Variants in GPAT3 observed in about 807,000 individuals in gnomAD.
The protein encoded by GPAT3 is 1-AGP acyltransferase 9.
Under a neutral mutation model 58.8 loss-of-function variants are expected in GPAT3, and 53 were observed. That is an observed-to-expected ratio of 0.90 (90% CI 0.72 to 1.13). The LOEUF (loss-of-function observed/expected upper bound fraction) is 1.13, where lower values mean the gene tolerates loss of function less well. GPAT3 is among the 50% of genes most tolerant of loss of function. The pLI is 0.00. For synonymous variants in GPAT3, 197 were observed against 187.4 expected (o/e 1.05, Z -0.42); for missense variants, 511 against 527.6 (o/e 0.97, Z 0.31).
intron 2 of GPAT3, among the ~76,000 whole-genome samples, chr4:83,554,119 A>G (rs1009149599): frequency 5.9e-5 from 9 of 151,800 alleles, no homozygotes; most frequent in Admixed American, 1.3e-4. Flanking sequence ...ATCCTCCTAA[A>G]TAGCTGGGAG....
intron 2 of GPAT3, among the ~76,000 whole-genome samples, chr4:83,575,381 A>G (rs1009850963): frequency 5.9e-5 from 9 of 152,022 alleles, no homozygotes; most frequent in African/African-American, 2.2e-4. Context: ...TTATGTTTTC[A>G]GTCATGCTCC....
chr4:83,581,697 G>A lies in GPAT3; in HGVS notation c.344G>A (p.Arg115Lys), dbSNP rs1314457809. The A allele has an allele frequency of 2.5e-6, 4 of 1,614,052 alleles. No homozygotes were observed. Among genetic ancestry groups the A allele is most frequent in the Non-Finnish European group, 3.4e-6 (4 of 1,180,036 alleles). ...ATTGTAGAAGATGAAGTGACCCAGA[G>A]GTTTTCCTCAGAGGAGCTAGTGTCA... ...EAIVEDEVTQ[R>K]FSSEELVSWN... The change falls in exon 3 of 12, where the codon AGG becomes AAG. Residue 115 changes from arginine (R) to lysine (K), a missense_variant. By Grantham distance (26) the Arg-to-Lys change is conservative. Coordinates refer to ENST00000264409, the MANE Select transcript of GPAT3 (RefSeq NM_032717.5).
chr4:83,593,137 G>A (rs1199624113), intron 6 of GPAT3, among the ~76,000 whole-genome samples: 2 of 148,678 alleles, frequency 1.3e-5, no homozygotes, highest in Non-Finnish European at 3.0e-5. Context: ...AAAGTCCTGG[G>A]ATTACAGGTG....
rs1312248967 is a variant in GPAT3, at chr4:83,596,864, A to C, written c.861A>C (p.Lys287Asn). ...KDRHLVTKRL[K>N]EHIADKKKLP... ...ATCCTTTTTTTTTCCATAGACTAAA[A>C]GAACATATTGCTGATAAGAAGAAAC... The change falls in exon 8 of 12, where the codon AAA becomes AAC. Residue 287 changes from lysine to asparagine, a missense_variant. Transcript: ENST00000264409. 6.2e-7 allele frequency: 1 copy of C among 1,605,522 alleles called. No homozygotes were observed. The highest frequency in any genetic ancestry group is 1.3e-5 in the African/African-American group (1 of 74,390).
intron 11 of GPAT3, among the ~76,000 whole-genome samples, chr4:83,599,193 G>T (rs137897377): frequency 1.3e-5 from 2 of 152,250 alleles, no homozygotes; most frequent in East Asian, 3.9e-4. Flanking sequence ...AATGGCTTAA[G>T]TAAGATAGAA....
chr4:83,540,032 C>T (rs1724237196), intron 1 of GPAT3, among the ~76,000 whole-genome samples: 2 of 152,104 alleles, frequency 1.3e-5, no homozygotes, highest in African/African-American at 2.4e-5. Flanking sequence ...GTGGTGTGCA[C>T]CTGTAATCCC....
At chr4:83,585,597 C>A (rs2110101158) in intron 3 of GPAT3, among the ~76,000 whole-genome samples, 1 of 150,666 alleles carries the variant, frequency 6.6e-6, no homozygotes, top group South Asian at 2.1e-4. Context: ...GTTAAGATTG[C>A]TGCCTTTTAC....
Position 83,570,577 on chromosome 4 carries a change from A to C in GPAT3, c.209-10985A>C, listed in dbSNP as rs2110088431. On this transcript the variant is annotated intron_variant, in intron 2 of 11. Coordinates refer to ENST00000264409, the MANE Select transcript of GPAT3 (RefSeq NM_032717.5). ...AACCTCCGCCTCCTGGGTTCAAGTG[A>C]TTCTCCTGCCTCAGCCTCCTGAGTA... Among the ~76,000 whole-genome samples the C allele has an allele frequency of 2.0e-5, 3 of 147,584 alleles. No individual in the cohort carries two copies. The South Asian group carries it at 6.3e-4, about 31-fold the overall frequency.
intron 9 of GPAT3, 63 bp from the exon 10 acceptor site, chr4:83,597,988 C>A: frequency 6.3e-7 from 1 of 1,589,794 alleles, no homozygotes; most frequent in Non-Finnish European, 8.6e-7. Flanking sequence ...ACCTTTAAAA[C>A]ATTGGGCACG....
chr4:83,575,848 A>G (rs967852949), intron 2 of GPAT3, among the ~76,000 whole-genome samples: 1 of 152,142 alleles, frequency 6.6e-6, no homozygotes, highest in Non-Finnish European at 1.5e-5. Context: ...GTAGCACTTT[A>G]TTTTTTGGTT....
At position 83,588,318 on chromosome 4, in the gene GPAT3, G is replaced by T; in HGVS notation, c.644+19G>T. 1 of 1,600,746 alleles carries T rather than the reference G, an allele frequency of 6.2e-7. No individual in the cohort carries two copies. The highest frequency in any genetic ancestry group is 1.1e-5 in the South Asian group (1 of 90,494). Reference sequence around the variant, plus strand: ...ATAACAAGTGAGTATCTGCTCCAATGTGCCTGTCTTTTTCTAGGTCAATTC... The same window carrying T: ...ATAACAAGTGAGTATCTGCTCCAATTTGCCTGTCTTTTTCTAGGTCAATTC... On this transcript the variant is annotated intron_variant, in intron 5 of 11. Coordinates refer to ENST00000264409, the MANE Select transcript of GPAT3 (RefSeq NM_032717.5).
At chr4:83,601,283 A>G (rs1294665145) in intron 11 of GPAT3, among the ~76,000 whole-genome samples, 2 of 152,196 alleles carry the variant, frequency 1.3e-5, no homozygotes, top group South Asian at 4.1e-4. Flanking sequence ...CCTATCAACA[A>G]TGTTCAGGGA....
At position 83,590,443 on chromosome 4, in the gene GPAT3, A is replaced by G. The variant is rs370766030; in HGVS notation, c.738+151A>G. On this transcript the variant is annotated intron_variant, in intron 6 of 11. Coordinates refer to ENST00000264409, the MANE Select transcript of GPAT3 (RefSeq NM_032717.5). ...TATATAAGTTATGTAATGTATTTAC[A>G]TGAGGAATATGTAGTGCAAGAAAAG... is the stretch of plus-strand genomic sequence containing the variant. 2.6e-5 allele frequency: 17 copies of G among 659,364 alleles called. No homozygotes were observed. The Admixed American group carries it at 5.0e-4, about 19-fold the overall frequency. The allele number at this position is 659,364 out of a possible 1,614,324, so 40.8% of individuals were successfully genotyped here. A position where few individuals can be genotyped will look rare whatever the true frequency, so the allele number is the denominator to read the frequency against.
At chr4:83,571,697 T>TAC (rs1054346746) in intron 2 of GPAT3, among the ~76,000 whole-genome samples, 10 of 101,968 alleles carry the variant, frequency 9.8e-5, no homozygotes, top group Admixed American at 2.3e-4. Context: ...TATATATATA[T>TAC]ACACACACAC....
intron 8 of GPAT3, 79 bp from the exon 9 acceptor site, chr4:83,597,351 A>G: frequency 1.3e-6 from 1 of 776,282 alleles, no homozygotes; most frequent in Non-Finnish European, 1.9e-6. Flanking sequence ...ATTTTATATC[A>G]AAATAATTTC....
intron 1 of GPAT3, 35 bp from the exon 2 acceptor site, chr4:83,544,501 G>A: frequency 6.3e-7 from 1 of 1,592,356 alleles, no homozygotes; most frequent in Non-Finnish European, 8.6e-7. Context: ...GTGTCTGTGG[G>A]ACAGTTTAAA....
At chr4:83,603,551 G>A (rs1430438279) in intron 11 of GPAT3, among the ~76,000 whole-genome samples, 2 of 152,210 alleles carry the variant, frequency 1.3e-5, no homozygotes, top group Non-Finnish European at 2.9e-5. Context: ...AGCACTTTGG[G>A]AGGCTGAGGC....
intron 2 of GPAT3, among the ~76,000 whole-genome samples, chr4:83,547,521 G>A (rs1228816522): frequency 1.3e-5 from 2 of 151,938 alleles, no homozygotes; most frequent in African/African-American, 4.8e-5. Flanking sequence ...CAAAGTGCTG[G>A]GATTACAGGC....
intron 11 of GPAT3, 113 bp downstream of exon 11, chr4:83,598,836 A>T: frequency 1.4e-6 from 1 of 718,020 alleles, no homozygotes. Flanking sequence ...TAGCATGATC[A>T]TAGTTCACTG....
Sources: allele counts gnomAD v4.1 joint callset (sites outside exome capture counted in the v4.1 genomes callset), GRCh38; gene constraint gnomAD v4.1.1; transcripts MANE v1.5; gene names NCBI Gene and HGNC (gene_info 2026-07-23, HGNC 2026-07-21).